The following GRM7 variants were observed in gnomAD, a reference collection of about 807,000 sequenced individuals.
GRM7 encodes the protein metabotropic glutamate receptor 7.
GRM7 carries 35 observed loss-of-function variants against 84.5 expected under a neutral mutation model. That is an observed-to-expected ratio of 0.41 (90% CI 0.32 to 0.55). GRM7 has a LOEUF of 0.55. Ranked by LOEUF, GRM7 falls within the 20% of genes least tolerant of loss-of-function variation. The probability of loss-of-function intolerance (pLI) is 0.19; values close to 1 mark genes in which losing one functional copy is unlikely to be tolerated. For synonymous variants in GRM7, 487 were observed against 455.1 expected (o/e 1.07, Z -0.89); for missense variants, 1,003 against 1,194.6 (o/e 0.84, Z 2.36).
intron 1 of GRM7, among the ~76,000 whole-genome samples, chr3:7,098,977 A>C (rs1438913207): frequency 1.3e-5 from 2 of 151,830 alleles, no homozygotes; most frequent in African/African-American, 4.8e-5. Flanking sequence ...TCTTTATTTC[A>C]GTACTTATGA....
chr3:7,449,979 A>C (rs560555955), intron 5 of GRM7, among the ~76,000 whole-genome samples: 2 of 152,246 alleles, frequency 1.3e-5, no homozygotes, highest in East Asian at 3.9e-4. Context: ...GAAATGAATA[A>C]ATTTTTATTT....
intron 1 of GRM7, among the ~76,000 whole-genome samples, chr3:6,915,914 T>G (rs1207144884): frequency 1.3e-5 from 2 of 152,204 alleles, no homozygotes; most frequent in African/African-American, 4.8e-5. Context: ...CTTCAGCCTA[T>G]GTGGATAATG....
intron 1 of GRM7, among the ~76,000 whole-genome samples, chr3:7,046,595 A>C (rs1415248660): frequency 6.6e-6 from 1 of 152,114 alleles, no homozygotes; most frequent in Non-Finnish European, 1.5e-5. Flanking sequence ...GGCTATTTAC[A>C]GGAGGCATTC....
chr3:7,327,909 G>GT (rs1246823098), intron 4 of GRM7, among the ~76,000 whole-genome samples: 2 of 152,176 alleles, frequency 1.3e-5, no homozygotes, highest in Non-Finnish European at 2.9e-5. Flanking sequence ...TCAGAACATT[G>GT]TAAGTCCTAC....
intron 1 of GRM7, among the ~76,000 whole-genome samples, chr3:6,992,646 G>A (rs1255922979): frequency 1.3e-5 from 2 of 152,164 alleles, no homozygotes; most frequent in Non-Finnish European, 2.9e-5. Context: ...AGAGGAAATA[G>A]TGTGACTGAA....
chr3:6,912,370 G>A (rs1696802004), intron 1 of GRM7, among the ~76,000 whole-genome samples: 1 of 152,046 alleles, frequency 6.6e-6, no homozygotes, highest in Non-Finnish European at 1.5e-5. Flanking sequence ...CTTTGTTGGT[G>A]GAACGTTTTA....
At chr3:7,117,537 A>G (rs193145715) in intron 1 of GRM7, among the ~76,000 whole-genome samples, 9 of 152,300 alleles carry the variant, frequency 5.9e-5, no homozygotes, top group African/African-American at 2.4e-5. Flanking sequence ...GGTCTAAGCT[A>G]TCCCCTGACT....
Position 7,579,130 on chromosome 3 carries a change from C to G in GRM7, c.2224C>G (p.Gln742Glu). 6.2e-7 allele frequency: 1 copy of G among 1,613,760 alleles called. No individual in the cohort carries two copies. Among genetic ancestry groups the G allele is most frequent in the Non-Finnish European group, 8.5e-7 (1 of 1,179,718 alleles). ...TGAACACAAGACAATGAACCCTGAG[C>G]AAGCCAGAGGGGTTCTCAAGTGTGA... ...YDEHKTMNPE[Q>E]ARGVLKCDIT... Residue 742 changes from glutamine to glutamate, a missense_variant, in exon 8 of 10, where the codon CAA becomes GAA. By Grantham distance (29) the Gln-to-Glu change is conservative. Transcript: ENST00000357716.
chr3:7,220,526 C>T (rs1448593786), intron 2 of GRM7, among the ~76,000 whole-genome samples: 1 of 152,038 alleles, frequency 6.6e-6, no homozygotes, highest in African/African-American at 2.4e-5. Flanking sequence ...CTGTCATAGC[C>T]AAGAGGAGCC....
chr3:7,484,132 T>C (rs1408083910), intron 7 of GRM7, among the ~76,000 whole-genome samples: 1 of 152,196 alleles, frequency 6.6e-6, no homozygotes, highest in African/African-American at 2.4e-5. Context: ...AAAGAAACAA[T>C]CTGTAAATAT....
intron 8 of GRM7, among the ~76,000 whole-genome samples, chr3:7,676,154 A>ATAAT (rs901581497): frequency 6.6e-6 from 1 of 152,184 alleles, no homozygotes; most frequent in African/African-American, 2.4e-5. Flanking sequence ...ATCAGGTAAA[A>ATAAT]TAATAACCAT....
At chr3:7,551,395 A>C (rs1014704204) in intron 7 of GRM7, among the ~76,000 whole-genome samples, 2 of 152,142 alleles carry the variant, frequency 1.3e-5, no homozygotes, top group African/African-American at 4.8e-5. Flanking sequence ...TTTGGAAACC[A>C]AGACAAATGA....
At chr3:7,635,628 A>G (rs1182163899) in intron 8 of GRM7, among the ~76,000 whole-genome samples, 1 of 152,190 alleles carries the variant, frequency 6.6e-6, no homozygotes, top group African/African-American at 2.4e-5. Context: ...GCAGTCCTCT[A>G]TCGAACACTT....
At chr3:6,904,701 T>G (rs191489229) in intron 1 of GRM7, among the ~76,000 whole-genome samples, 162 of 152,140 alleles carry the variant, frequency 1.1e-3, no homozygotes, top group African/African-American at 3.3e-3. Flanking sequence ...ATGTTTTTAA[T>G]CATCATGACT....
chr3:7,465,469 C>A (rs1442922896), intron 7 of GRM7, among the ~76,000 whole-genome samples: 20 of 145,144 alleles, frequency 1.4e-4, no homozygotes, highest in Non-Finnish European at 1.6e-5. Flanking sequence ...AGGCACCCTA[C>A]CCCTCTCACC....
At chr3:7,163,538 C>T (rs1386561455) in intron 2 of GRM7, among the ~76,000 whole-genome samples, 2 of 152,130 alleles carry the variant, frequency 1.3e-5, no homozygotes, top group Non-Finnish European at 2.9e-5. Flanking sequence ...AGTTTGTATC[C>T]TCATGGAGCT....
intron 2 of GRM7, among the ~76,000 whole-genome samples, chr3:7,221,397 G>C (rs1394069453): frequency 6.6e-6 from 1 of 152,066 alleles, no homozygotes; most frequent in African/African-American, 2.4e-5. Flanking sequence ...AAACCTGATT[G>C]TTTGCTATTT....
chr3:7,736,752 T>A (rs1184853542), intron 9 of GRM7, among the ~76,000 whole-genome samples: 1 of 152,136 alleles, frequency 6.6e-6, no homozygotes, highest in Admixed American at 6.5e-5. Context: ...TATGTCAAAG[T>A]GTTATATTCA....
At position 7,094,875 on chromosome 3, in the gene GRM7, T is replaced by C. The variant is rs367778062; in HGVS notation, c.520-51577T>C. On this transcript the variant is annotated intron_variant, in intron 1 of 9. Coordinates refer to ENST00000357716, the MANE Select transcript of GRM7 (RefSeq NM_000844.4). ...TTAAAAAAATTACATCTTTATTTAA[T>C]CAAGGACACTTCACTAATACATTAC... is the stretch of plus-strand genomic sequence containing the variant. 1.9e-4 allele frequency among the ~76,000 whole-genome samples: 29 copies of C among 152,116 alleles called. No homozygotes were observed. In the East Asian group the frequency reaches 2.5e-3, roughly 13 times the overall value.
Sources: gnomAD v4.1 joint callset for allele counts (sites outside exome capture counted in the v4.1 genomes callset) on GRCh38, gnomAD v4.1.1 for gene constraint, MANE v1.5 for transcripts, NCBI Gene and HGNC (gene_info 2026-07-23, HGNC 2026-07-21) for gene names.